Variants in APOBEC1 observed in about 807,000 individuals in gnomAD.
APOBEC1 encodes C->U-editing enzyme APOBEC-1.
Under a neutral mutation model 26.3 loss-of-function variants are expected in APOBEC1, and 22 were observed. The observed-to-expected ratio is 0.84, with a 90% CI of 0.60 to 1.19. The LOEUF (loss-of-function observed/expected upper bound fraction) is 1.19. Among genes scored for constraint, APOBEC1 ranks in the 50% most tolerant of loss-of-function variants. APOBEC1 has a pLI of 0.00. For missense variants in APOBEC1, 253 were observed against 289.0 expected, an observed-to-expected ratio of 0.88 and a Z score of 0.90; for synonymous variants, 77 against 95.3, an observed-to-expected ratio of 0.81 and a Z score of 1.12.
At position 7,659,322 on chromosome 12, in the gene APOBEC1, AATATATAT is replaced by A. The variant is rs1328982852; in HGVS notation, c.17-4698_17-4691del. 5.1e-3 allele frequency among the ~76,000 whole-genome samples: 234 copies of A among 46,216 alleles called. 1 individual carries two copies. Among genetic ancestry groups the A allele is most frequent in the Admixed American group, 5.8e-3 (13 of 2,256 alleles). The allele number at this position is 46,216 out of a possible 152,430, so 30.3% of individuals were successfully genotyped here. On this transcript the variant is annotated intron_variant, in intron 1 of 4. Coordinates refer to ENST00000229304, the MANE Select transcript of APOBEC1 (RefSeq NM_001644.5). ...AAAAAAAAAAAAAAAAAAAAAAAAA[AATATATAT>A]ATATATATATATATATATATGTTTA...
intron 2 of APOBEC1, 105 bp from the exon 3 acceptor site, chr12:7,652,940 AT>A (rs1555093603): frequency 1.1e-6 from 1 of 908,718 alleles, no homozygotes; most frequent in Non-Finnish European, 1.4e-6. Context: ...ATTTTATTTT[AT>A]TTTTTTAAGA....
intron 4 of APOBEC1, among the ~76,000 whole-genome samples, 184 bp downstream of exon 4, chr12:7,650,839 T>A (rs1863627088): frequency 6.6e-6 from 1 of 152,252 alleles, no homozygotes. Context: ...CCTGCGTAGC[T>A]GGGACTACAA....
rs756648758 is a variant in APOBEC1 at position 7,660,334 on chromosome 12, G to GGGAAGGAAGGAAGGAAGGAA, written c.16+5503_16+5522dup. Among the ~76,000 whole-genome samples the GGGAAGGAAGGAAGGAAGGAA allele has an allele frequency of 6.4e-4, 23 of 35,752 alleles. 1 individual carries two copies. The highest frequency in any genetic ancestry group is 1.2e-3 in the South Asian group (1 of 840). The allele number at this position is 35,752 out of a possible 152,430, so 23.5% of individuals were successfully genotyped here. A position where few individuals can be genotyped will look rare whatever the true frequency, so the allele number is the denominator to read the frequency against. On this transcript the variant is annotated intron_variant, in intron 1 of 4. Transcript: ENST00000229304. Reference sequence around the variant, plus strand: ...AGAAAGGAAGGAAGGAAGGAAGGAAGGGAAGGAAGGAAGGAAGGAAGGAAG... The same window carrying GGGAAGGAAGGAAGGAAGGAA: ...AGAAAGGAAGGAAGGAAGGAAGGAAGGGAAGGAAGGAAGGAAGGAAGGAAGGAAGGAAGGAAGGAAGGAAG...
At chr12:7,653,249 A>T (rs1477449279) in intron 2 of APOBEC1, among the ~76,000 whole-genome samples, 3 of 152,120 alleles carry the variant, frequency 2.0e-5, no homozygotes, top group Non-Finnish European at 4.4e-5. Flanking sequence ...CTCTTCTATC[A>T]GGCTGATCTG....
chr12:7,652,570 GAA>G lies in APOBEC1; in HGVS notation c.308_309del (p.Phe103SerfsTer33), dbSNP rs1476385900. 6.8e-6 allele frequency: 11 copies of G among 1,614,110 alleles called. No individual in the cohort carries two copies. The highest frequency in any genetic ancestry group is 1.7e-5 in the Admixed American group (1 of 60,000). On this transcript the variant is annotated frameshift_variant, in exon 3 of 5. Transcript: ENST00000229304. LOFTEE classifies it high-confidence loss of function. ...CWECSQAIRE[F>X]LSRHPGVTLV... The stretch of plus-strand genomic sequence containing the variant: ...AGAGTCACACCAGGGTGCCGACTCA[GAA>G]ACTCTCTAATAGCCTGGGAGCATTC...
upstream of APOBEC1, among the ~76,000 whole-genome samples, chr12:7,666,304 T>G (rs1195926803): frequency 6.6e-6 from 1 of 152,134 alleles, no homozygotes; most frequent in Non-Finnish European, 1.5e-5. Flanking sequence ...TCTTTTTTTT[T>G]TTCTTTGAGA....
At chr12:7,650,410 G>T (rs1863621937) in intron 4 of APOBEC1, among the ~76,000 whole-genome samples, 1 of 152,066 alleles carries the variant, frequency 6.6e-6, no homozygotes, top group African/African-American at 2.4e-5. Flanking sequence ...AACACAGCGA[G>T]ACCCTGTGGC....
At chr12:7,668,065 T>C (rs1159288533), upstream of APOBEC1, among the ~76,000 whole-genome samples, 1 of 152,158 alleles carries the variant, frequency 6.6e-6, no homozygotes, top group Non-Finnish European at 1.5e-5. Context: ...TCCTGGATTA[T>C]GCAGGTGGGC....
At position 7,651,115 on chromosome 12, in the gene APOBEC1, C is replaced by T; in HGVS notation, c.469G>A (p.Val157Ile). ...GCTTCATCCCCAGGTGGGTAGTTGA[C>T]AAAATTCCTCCAGCAGTGATAATAC... is the stretch of plus-strand genomic sequence containing the variant. ...SEYYHCWRNF[V>I]NYPPGDEAHW... Residue 157 changes from valine (V) to isoleucine (I), a missense_variant, in exon 4 of 5, where the codon GTC becomes ATC. Physicochemically the swap from Val to Ile is conservative, Grantham distance 29. Transcript: ENST00000229304. The T allele has an allele frequency of 1.9e-6, 3 of 1,613,820 alleles. No individual in the cohort carries two copies. The highest frequency in any genetic ancestry group is 2.2e-5 in the South Asian group (2 of 91,062).
Position 7,651,031 on chromosome 12 carries a change from T to C in APOBEC1, c.553A>G (p.Ile185Val), listed in dbSNP as rs1348644507. ...MMLYALELHC[I>V]ILSLPPCLKI... is the part of the protein sequence containing the mutation. ...TCCCTAAAGTGACTTACTAGAATTA[T>C]GCAGTGCAGCTCCAGTGCGTACAAC... The change falls in exon 4 of 5, where the codon ATA becomes GTA. Residue 185 changes from isoleucine (I) to valine (V), a missense_variant. Transcript: ENST00000229304. 2 of 1,609,196 alleles carry C rather than the reference T, an allele frequency of 1.2e-6. No homozygotes were observed. Among genetic ancestry groups the C allele is most frequent in the East Asian group, 2.2e-5 (1 of 44,860 alleles).
upstream of APOBEC1, among the ~76,000 whole-genome samples, chr12:7,670,065 C>CGCCATT (rs1863933915): frequency 7.3e-6 from 1 of 136,192 alleles, no homozygotes; most frequent in African/African-American, 2.8e-5. Flanking sequence ...CTCACTGCAA[C>CGCCATT]CTCCTCCTCC....
At chr12:7,667,410 C>T (rs1406552097), upstream of APOBEC1, among the ~76,000 whole-genome samples, 1 of 152,104 alleles carries the variant, frequency 6.6e-6, no homozygotes, top group Non-Finnish European at 1.5e-5. Context: ...AACTTTGAAT[C>T]TCAAGGCCCC....
intron 1 of APOBEC1, among the ~76,000 whole-genome samples, chr12:7,660,410 A>AAGAAAGAAAGAGAG (rs111744018): frequency 8.0e-4 from 67 of 83,950 alleles, no homozygotes; most frequent in African/African-American, 3.0e-3. Flanking sequence ...GAAAGAAAGA[A>AAGAAAGAAAGAGAG]AGAGAGGGTA....
At chr12:7,657,079 T>C (rs1351279289) in intron 1 of APOBEC1, among the ~76,000 whole-genome samples, 4 of 147,814 alleles carry the variant, frequency 2.7e-5, no homozygotes, top group Non-Finnish European at 4.5e-5. Flanking sequence ...TGTGTGTGTG[T>C]GTAAATAGCT....
At chr12:7,660,327 GA>G (rs1863788902) in intron 1 of APOBEC1, among the ~76,000 whole-genome samples, 2 of 127,628 alleles carry the variant, frequency 1.6e-5, no homozygotes, top group Non-Finnish European at 3.3e-5. Context: ...AGGAAGGAAG[GA>G]AGGAAGGGAA....
chr12:7,651,384 G>T (rs190450394), intron 3 of APOBEC1, among the ~76,000 whole-genome samples: 2 of 152,240 alleles, frequency 1.3e-5, no homozygotes, highest in African/African-American at 4.8e-5. Context: ...GGGAGGCCGA[G>T]GGGGGTGGAT....
Position 7,651,098 on chromosome 12 carries a change from C to T in APOBEC1, c.486G>A (p.Gly162=), listed in dbSNP as rs1863631644. ...GGTATTGTGGCCAGTGAGCTTCATC[C>T]CCAGGTGGGTAGTTGACAAAATTCC... ...CWRNFVNYPP[G]DEAHWPQYPP... Residue 162 remains glycine (G), a synonymous_variant, in exon 4 of 5, where the codon GGG becomes GGA. Transcript: ENST00000229304. 1.2e-6 allele frequency: 2 copies of T among 1,614,046 alleles called. No homozygotes were observed. Among genetic ancestry groups the T allele is most frequent in the African/African-American group, 1.3e-5 (1 of 75,012 alleles).
intron 1 of APOBEC1, among the ~76,000 whole-genome samples, chr12:7,659,048 A>G (rs1440135776): frequency 6.7e-6 from 1 of 149,210 alleles, no homozygotes; most frequent in Non-Finnish European, 1.5e-5. Flanking sequence ...TAATCCCAGC[A>G]CTTTGGGAGG....
At chr12:7,659,607 G>A (rs1480705537) in intron 1 of APOBEC1, among the ~76,000 whole-genome samples, 1 of 151,926 alleles carries the variant, frequency 6.6e-6, no homozygotes, top group East Asian at 1.9e-4. Flanking sequence ...CTTTGCTGGT[G>A]GGAATGTAAA....
Sources: allele counts gnomAD v4.1 joint callset (sites outside exome capture counted in the v4.1 genomes callset), GRCh38; gene constraint gnomAD v4.1.1; transcripts MANE v1.5; gene names NCBI Gene and HGNC (gene_info 2026-07-23, HGNC 2026-07-21).